The following SNX29 variants were observed in gnomAD, a reference collection of about 807,000 sequenced individuals.
SNX29 encodes sorting nexin-29.
A neutral mutation model predicts 102.1 loss-of-function variants in SNX29; 78 were observed. That is an observed-to-expected ratio of 0.76 (90% CI 0.64 to 0.92). The LOEUF (loss-of-function observed/expected upper bound fraction) is 0.92. SNX29 is among the 40% of genes least tolerant of loss of function. The probability of loss-of-function intolerance (pLI) is 0.00; values close to 1 mark genes in which losing one functional copy is unlikely to be tolerated. For missense variants in SNX29, 1,280 were observed against 1,061.7 expected (o/e 1.21, Z -2.86); for synonymous variants, 580 against 414.5 (o/e 1.40, Z -4.85).
intron 15 of SNX29, among the ~76,000 whole-genome samples, chr16:12,292,605 C>A (rs544688013): frequency 1.3e-5 from 2 of 152,312 alleles, no homozygotes; most frequent in South Asian, 2.1e-4. Context: ...TTGTAAGGGG[C>A]ACTGCCAGAA....
intron 20 of SNX29, chr16:12,557,570 T>G (rs559412683): frequency 6.6e-6 from 1 of 152,274 alleles, no homozygotes; most frequent in Admixed American, 6.5e-5. Context: ...CTATGTTGGC[T>G]AGGCTGATCT....
At chr16:12,494,416 T>C (rs1224452741) in intron 19 of SNX29, among the ~76,000 whole-genome samples, 1 of 152,208 alleles carries the variant, frequency 6.6e-6, no homozygotes, top group Non-Finnish European at 1.5e-5. Context: ...GAGACGGGCA[T>C]GGCCTCTTGC....
At chr16:12,543,849 C>T (rs1391363008) in intron 20 of SNX29, among the ~76,000 whole-genome samples, 1 of 152,156 alleles carries the variant, frequency 6.6e-6, no homozygotes, top group Non-Finnish European at 1.5e-5. Context: ...AGAGAGAAGC[C>T]AGTGGTGGAA....
At chr16:12,294,474 C>CT (rs898821778) in intron 15 of SNX29, among the ~76,000 whole-genome samples, 2 of 152,100 alleles carry the variant, frequency 1.3e-5, no homozygotes, top group Non-Finnish European at 2.9e-5. Context: ...TTCTTGGTTT[C>CT]TAAAGACTCA....
intron 14 of SNX29, among the ~76,000 whole-genome samples, chr16:12,267,279 G>T (rs1567376485): frequency 6.7e-6 from 1 of 150,094 alleles, no homozygotes; most frequent in Non-Finnish European, 1.5e-5. Flanking sequence ...GCATGCAGGG[G>T]AGTAGGCTCC....
chr16:12,229,731 G>T (rs1049248319), intron 14 of SNX29, among the ~76,000 whole-genome samples: 1 of 152,072 alleles, frequency 6.6e-6, no homozygotes, highest in Admixed American at 6.6e-5. Context: ...CTGTTCTTGG[G>T]GTAGTGCCTT....
chr16:11,989,521 T>A (rs2055761474), intron 1 of SNX29, among the ~76,000 whole-genome samples: 1 of 152,160 alleles, frequency 6.6e-6, no homozygotes, highest in East Asian at 1.9e-4. Flanking sequence ...GTGCGTATGC[T>A]AAGTCTAGAG....
chr16:12,287,302 C>G (rs1190336742), intron 15 of SNX29, among the ~76,000 whole-genome samples: 5 of 152,208 alleles, frequency 3.3e-5, no homozygotes, highest in African/African-American at 1.2e-4. Context: ...GTCTCCTTTA[C>G]AAACAGACTC....
chr16:12,560,427 C>T (rs949112009), intron 20 of SNX29, among the ~76,000 whole-genome samples: 7 of 152,276 alleles, frequency 4.6e-5, no homozygotes, highest in South Asian at 2.1e-4. Flanking sequence ...GTCCTGTAGG[C>T]ATCCATGTCC....
chr16:12,144,006 C>T (rs970511812), intron 13 of SNX29, among the ~76,000 whole-genome samples: 3 of 152,108 alleles, frequency 2.0e-5, no homozygotes, highest in Admixed American at 6.6e-5. Context: ...AATGTACCCA[C>T]GAAACACCCG....
chr16:12,552,366 G>C (rs7188575), intron 20 of SNX29, among the ~76,000 whole-genome samples: 18,950 of 152,156 alleles, frequency 0.12, 1,276 homozygotes, highest in Non-Finnish European at 0.14. Context: ...GCCAATACAC[G>C]TGTAAGACAG....
At chr16:12,252,937 C>CT (rs1005931513) in intron 14 of SNX29, among the ~76,000 whole-genome samples, 8 of 152,312 alleles carry the variant, frequency 5.3e-5, no homozygotes, top group African/African-American at 1.7e-4. Context: ...CGCAAGCCAT[C>CT]TTTTTTTGTG....
At chr16:12,331,632 G>C (rs1017287220) in intron 15 of SNX29, among the ~76,000 whole-genome samples, 3 of 152,004 alleles carry the variant, frequency 2.0e-5, no homozygotes, top group Admixed American at 1.3e-4. Flanking sequence ...GCTCACTGCA[G>C]CCTCTGCCTC....
At chr16:12,557,165 C>T (rs1166483751) in intron 20 of SNX29, among the ~76,000 whole-genome samples, 1 of 152,082 alleles carries the variant, frequency 6.6e-6, no homozygotes. Context: ...TCCATTTTGG[C>T]TATGTTCAAG....
chr16:12,260,704 G>GCCCCCA, intron 14 of SNX29, among the ~76,000 whole-genome samples: 1 of 120,522 alleles, frequency 8.3e-6, no homozygotes, highest in East Asian at 2.5e-4. Context: ...ACGCGTCCCC[G>GCCCCCA]GCTGGAGTGA....
At chr16:12,258,233 C>T (rs1245777735) in intron 14 of SNX29, among the ~76,000 whole-genome samples, 1 of 152,200 alleles carries the variant, frequency 6.6e-6, no homozygotes, top group Non-Finnish European at 1.5e-5. Flanking sequence ...GTGTCATCTG[C>T]CGCCACCTGC....
intron 14 of SNX29, among the ~76,000 whole-genome samples, chr16:12,242,367 ATTTT>A (rs869193950): frequency 2.3e-3 from 331 of 141,588 alleles, no homozygotes; most frequent in African/African-American, 8.3e-3. Context: ...ATATATATAT[ATTTT>A]TTTTTTTTTT....
intron 14 of SNX29, among the ~76,000 whole-genome samples, chr16:12,211,616 A>T (rs1181761951): frequency 1.5e-4 from 23 of 152,014 alleles, no homozygotes; most frequent in Non-Finnish European, 3.4e-4. Context: ...ATTTTAAGGA[A>T]TTGACCCATG....
At chr16:12,050,491 C>T (rs2050256089) in intron 7 of SNX29, among the ~76,000 whole-genome samples, 2 of 152,216 alleles carry the variant, frequency 1.3e-5, no homozygotes, top group Admixed American at 6.5e-5. Flanking sequence ...TCTTTCGGCT[C>T]ACTCATGGGA....
Sources: gnomAD v4.1 joint callset for allele counts (sites outside exome capture counted in the v4.1 genomes callset) on GRCh38, gnomAD v4.1.1 for gene constraint, MANE v1.5 for transcripts, NCBI Gene and HGNC (gene_info 2026-07-23, HGNC 2026-07-21) for gene names.